DCDC1: variants seen among roughly 807,000 people sequenced by gnomAD.
The protein encoded by DCDC1 is doublecortin domain containing 1.
Under a neutral mutation model 178.3 loss-of-function variants are expected in DCDC1, and 200 were observed. That is an observed-to-expected ratio of 1.12 (90% CI 1.00 to 1.26). The LOEUF (loss-of-function observed/expected upper bound fraction) is 1.26. Ranked by LOEUF, DCDC1 falls within the 50% of genes most tolerant of loss-of-function variation. The pLI is 0.00. For missense variants in DCDC1, 1,983 were observed against 1,749.2 expected, an observed-to-expected ratio of 1.13 and a Z score of -2.38; for synonymous variants, 690 against 604.8, an observed-to-expected ratio of 1.14 and a Z score of -2.07.
chr11:31,362,775 T>C (rs2133394689), intron 1 of DCDC1, among the ~76,000 whole-genome samples: 1 of 152,304 alleles, frequency 6.6e-6, no homozygotes, highest in South Asian at 2.1e-4. Flanking sequence ...TCAGAAAACA[T>C]CTATTCTTCA....
chr11:31,178,284 T>C (rs968623796), intron 9 of DCDC1, among the ~76,000 whole-genome samples: 3 of 152,138 alleles, frequency 2.0e-5, no homozygotes, highest in African/African-American at 7.2e-5. Context: ...AGAATACACA[T>C]TGTAGAAAAG....
intron 11 of DCDC1, among the ~76,000 whole-genome samples, chr11:31,125,737 G>A (rs1472601126): frequency 6.6e-6 from 1 of 152,040 alleles, no homozygotes; most frequent in Non-Finnish European, 1.5e-5. Context: ...AGAACACGTG[G>A]ACATAGGGAG....
At chr11:30,935,965 G>T (rs74752957) in intron 21 of DCDC1, among the ~76,000 whole-genome samples, 2 of 152,120 alleles carry the variant, frequency 1.3e-5, no homozygotes, top group Non-Finnish European at 2.9e-5. Flanking sequence ...CCCTTGACTG[G>T]AGTATAGTGA....
intron 20 of DCDC1, among the ~76,000 whole-genome samples, chr11:30,963,943 C>T (rs1393446990): frequency 2.0e-5 from 3 of 152,150 alleles, no homozygotes; most frequent in Non-Finnish European, 4.4e-5. Context: ...CATATCCTTC[C>T]TAATTCTCAT....
At chr11:31,015,028 G>A (rs918359133) in intron 20 of DCDC1, among the ~76,000 whole-genome samples, 33 of 151,010 alleles carry the variant, frequency 2.2e-4, no homozygotes, top group Non-Finnish European at 4.7e-4. Flanking sequence ...CTCACTGCCA[G>A]CTCCGCCTCC....
At chr11:31,065,818 G>A (rs1410625577) in intron 18 of DCDC1, among the ~76,000 whole-genome samples, 1 of 152,178 alleles carries the variant, frequency 6.6e-6, no homozygotes, top group Non-Finnish European at 1.5e-5. Flanking sequence ...GGGATCTTCT[G>A]AAGGATAAAA....
chr11:30,973,526 G>A (rs1949929886), intron 20 of DCDC1, among the ~76,000 whole-genome samples: 1 of 152,038 alleles, frequency 6.6e-6, no homozygotes, highest in African/African-American at 2.4e-5. Context: ...TATCTATAAA[G>A]ACACATATAG....
chr11:31,148,877 T>C (rs1348530277), intron 9 of DCDC1, among the ~76,000 whole-genome samples: 1 of 152,078 alleles, frequency 6.6e-6, no homozygotes, highest in African/African-American at 2.4e-5. Flanking sequence ...CAATATGTAG[T>C]ATTTTATCCC....
rs1977090390 is a variant in DCDC1, at chr11:31,241,140, C to T, written c.1221+310G>A. ...TTTCAACCTTCAAATGACTTAGGAG[C>T]TATTTATTCTCTTATTTAAAGTAAT... On this transcript the variant is annotated intron_variant, in intron 9 of 38. Coordinates refer to ENST00000684477, the MANE Select transcript of DCDC1 (RefSeq NM_001387274.1). 3.3e-5 allele frequency among the ~76,000 whole-genome samples: 5 copies of T among 151,928 alleles called. No homozygotes were observed. The South Asian group carries it at 1.0e-3, about 31-fold the overall frequency.
rs138466644 is a variant in DCDC1 at position 30,903,648 on chromosome 11, G to A, written c.4344C>T (p.Ala1448=). Residue 1448 remains alanine, a synonymous_variant, in exon 32 of 39, where the codon GCC becomes GCT. Transcript: ENST00000684477. The part of the protein sequence containing the change: ...LTECTEQLGL[A]RAASKVYTKD... ...TGGTATATACTTTGGAGGCTGCTCT[G>A]GCAAGCCCAAGTTGTTCCGTGCATT... 118 of 1,609,570 alleles carry A rather than the reference G, an allele frequency of 7.3e-5. No individual in the cohort carries two copies. The African/African-American group carries it at 1.4e-3, about 19-fold the overall frequency.
At chr11:31,366,454 T>C (rs1447294250) in intron 1 of DCDC1, among the ~76,000 whole-genome samples, 1 of 152,090 alleles carries the variant, frequency 6.6e-6, no homozygotes, top group Non-Finnish European at 1.5e-5. Flanking sequence ...GAAAACAATA[T>C]ACTGTGATAT....
intron 17 of DCDC1, among the ~76,000 whole-genome samples, chr11:31,089,377 A>C (rs1957664872): frequency 1.3e-5 from 2 of 152,002 alleles, no homozygotes; most frequent in African/African-American, 2.4e-5. Context: ...TTTATCACTA[A>C]TTTTAAACAA....
At chr11:30,980,117 CTAGAG>C (rs929576307) in intron 20 of DCDC1, among the ~76,000 whole-genome samples, 1 of 152,174 alleles carries the variant, frequency 6.6e-6, no homozygotes, top group Admixed American at 6.5e-5. Context: ...CTGTAATCTA[CTAGAG>C]TAGACTATAG....
rs1958879082 is a variant in DCDC1, at chr11:31,106,807, T to TA, written c.1740dup (p.Arg581Ter). The TA allele has an allele frequency of 5.2e-6, 4 of 766,142 alleles. No individual in the cohort carries two copies. The highest frequency in any genetic ancestry group is 7.2e-6 in the Non-Finnish European group (3 of 417,818). The allele number at this position is 766,142 out of a possible 1,614,324, so 47.5% of individuals were successfully genotyped here. ...ACCCCTTGCTCCTACCTGTATGCTC[T>TA]ACCATAAGAGACCCAAATTTTTTGC... On this transcript the variant is annotated frameshift_variant, in exon 13 of 39. Coordinates refer to ENST00000684477, the MANE Select transcript of DCDC1 (RefSeq NM_001387274.1). LOFTEE classifies it high-confidence loss of function.
intron 17 of DCDC1, among the ~76,000 whole-genome samples, chr11:31,081,381 G>A (rs1030090207): frequency 3.9e-5 from 6 of 152,060 alleles, no homozygotes; most frequent in Admixed American, 6.6e-5. Context: ...AGGCCGAGGC[G>A]GGTGGATCAC....
intron 1 of DCDC1, among the ~76,000 whole-genome samples, chr11:31,369,027 A>G (rs1437922009): frequency 6.6e-6 from 1 of 152,186 alleles, no homozygotes; most frequent in African/African-American, 2.4e-5. Context: ...ACTGCTTCGA[A>G]GAAGAACAGT....
At chr11:31,268,381 C>G (rs979522924) in intron 7 of DCDC1, among the ~76,000 whole-genome samples, 55 of 152,098 alleles carry the variant, frequency 3.6e-4, no homozygotes, top group African/African-American at 1.3e-3. Flanking sequence ...TCCTTCCCTC[C>G]CGCTGTAGGA....
At position 31,137,654 on chromosome 11, in the gene DCDC1, G is replaced by C. The variant is rs758765478; in HGVS notation, c.1314+38C>G. Reference sequence around the variant, plus strand: ...TAAGCCACTGTGCCTGGCCCTCATTGCAGTTTTAAAATACAGTTTACAAAG... The same window carrying C: ...TAAGCCACTGTGCCTGGCCCTCATTCCAGTTTTAAAATACAGTTTACAAAG... On this transcript the variant is annotated intron_variant, in intron 10 of 38. Transcript: ENST00000684477. 4.3e-6 allele frequency: 3 copies of C among 698,844 alleles called. No homozygotes were observed. The South Asian group carries it at 4.5e-5, about 10-fold the overall frequency. 43.3% of individuals were successfully genotyped at this position (698,844 alleles called of 1,614,324 possible).
At chr11:30,945,343 C>T (rs1283252186) in intron 21 of DCDC1, among the ~76,000 whole-genome samples, 1 of 151,996 alleles carries the variant, frequency 6.6e-6, no homozygotes, top group African/African-American at 2.4e-5. Context: ...CCATTAATCA[C>T]TTAAATCAAT....
Sources: allele counts gnomAD v4.1 joint callset (sites outside exome capture counted in the v4.1 genomes callset), GRCh38; gene constraint gnomAD v4.1.1; transcripts MANE v1.5; gene names NCBI Gene and HGNC (gene_info 2026-07-23, HGNC 2026-07-21).